The following FBXO36 variants were observed in gnomAD, a reference collection of about 807,000 sequenced individuals.
FBXO36 encodes F-box protein 36.
FBXO36 carries 18 observed loss-of-function variants against 17.0 expected under a neutral mutation model. The observed-to-expected ratio is 1.06, with a 90% confidence interval of 0.73 to 1.57. FBXO36 has a LOEUF of 1.57. Ranked by LOEUF, FBXO36 falls within the 40% of genes most tolerant of loss-of-function variation. The pLI, the probability that FBXO36 is intolerant of heterozygous loss-of-function variation, is 0.00. For synonymous variants in FBXO36, 83 were observed against 85.3 expected (o/e 0.97, Z 0.15); for missense variants, 229 against 221.9 (o/e 1.03, Z -0.20).
chr2:229,956,593 C>T (rs866620711), intron 1 of FBXO36, among the ~76,000 whole-genome samples: 1 of 152,110 alleles, frequency 6.6e-6, no homozygotes, highest in African/African-American at 2.4e-5. Flanking sequence ...CAAAGTCTGT[C>T]CGGATATTTG....
intron 3 of FBXO36, 98 bp downstream of exon 3, chr2:229,997,021 A>G: frequency 9.2e-7 from 1 of 1,089,020 alleles, no homozygotes; most frequent in Non-Finnish European, 1.3e-6. Context: ...TAACTTTGTG[A>G]TGGACACTGT....
At chr2:229,923,159 C>T (rs2076826882) in intron 1 of FBXO36, 1 of 153,022 alleles carries the variant, frequency 6.5e-6, no homozygotes, top group Non-Finnish European at 1.5e-5. Context: ...TTTTGGAGTC[C>T]CTTCTATCCC....
At chr2:229,945,314 G>C (rs567821349) in intron 1 of FBXO36, among the ~76,000 whole-genome samples, 5 of 151,022 alleles carry the variant, frequency 3.3e-5, no homozygotes, top group Non-Finnish European at 7.4e-5. Flanking sequence ...TTGTTTGTTT[G>C]TTCTTTGTTT....
In FBXO36 at chr2:229,976,259, A is replaced by C; in HGVS notation, c.115A>C (p.Lys39Gln). Reference sequence around the variant, plus strand: ...ATTATAGGTAATCTTTAGATGGTGGAAGATCTCTCTAAGGAGTGAGTATCG... The same window carrying C: ...ATTATAGGTAATCTTTAGATGGTGGCAGATCTCTCTAAGGAGTGAGTATCG... ...TRSQVIFRWW[K>Q]ISLRSEYRST... Residue 39 changes from lysine to glutamine, a missense_variant, in exon 2 of 4, where the codon AAG (lysine) becomes CAG (glutamine). By Grantham distance (53) the Lys-to-Gln change is moderately conservative. Transcript: ENST00000283946. The C allele has an allele frequency of 6.2e-7, 1 of 1,605,882 alleles. No individual in the cohort carries two copies. The highest frequency in any genetic ancestry group is 8.5e-7 in the Non-Finnish European group (1 of 1,177,414).
intron 3 of FBXO36, among the ~76,000 whole-genome samples, chr2:230,006,559 G>T (rs1403080415): frequency 6.6e-6 from 1 of 152,156 alleles, no homozygotes; most frequent in African/African-American, 2.4e-5. Flanking sequence ...CCCTGCTGTG[G>T]GCCGGACACA....
At chr2:230,009,572 A>G (rs954691191) in intron 3 of FBXO36, among the ~76,000 whole-genome samples, 1 of 152,208 alleles carries the variant, frequency 6.6e-6, no homozygotes, top group Non-Finnish European at 1.5e-5. Context: ...TCACATCACC[A>G]GGGGTAGCAT....
intron 1 of FBXO36, chr2:229,937,938 G>A (rs187495923): frequency 0.011 from 1,736 of 152,282 alleles, 16 homozygotes; most frequent in Middle Eastern, 0.027. Flanking sequence ...TTGCTTATAT[G>A]TTTATCTGAT....
chr2:229,947,099 C>T (rs2077031059), intron 1 of FBXO36, among the ~76,000 whole-genome samples: 1 of 150,264 alleles, frequency 6.7e-6, no homozygotes, highest in Admixed American at 6.7e-5. Context: ...ACCCGGGAGG[C>T]GGAGGTTGCA....
At chr2:229,937,419 C>T (rs1382331752) in intron 1 of FBXO36, among the ~76,000 whole-genome samples, 1 of 152,114 alleles carries the variant, frequency 6.6e-6, no homozygotes, top group Non-Finnish European at 1.5e-5. Flanking sequence ...CACTTGAACC[C>T]AGGAGGCGGA....
intron 2 of FBXO36, among the ~76,000 whole-genome samples, chr2:229,984,613 C>T (rs1051468716): frequency 1.2e-4 from 18 of 152,082 alleles, no homozygotes; most frequent in South Asian, 6.2e-4. Flanking sequence ...TGGTCTCGAT[C>T]TCCTGATCTT....
chr2:230,006,271 T>A (rs1043181955), intron 3 of FBXO36, among the ~76,000 whole-genome samples: 5 of 152,044 alleles, frequency 3.3e-5, no homozygotes, highest in Admixed American at 1.3e-4. Context: ...AATTTTCGTA[T>A]TTTTAGTAGA....
chr2:230,005,281 T>C lies in FBXO36; in HGVS notation c.379-5415T>C, dbSNP rs539760448. 1.5e-3 allele frequency among the ~76,000 whole-genome samples: 216 copies of C among 147,548 alleles called. 1 individual carries two copies. Among genetic ancestry groups the C allele is most frequent in the Middle Eastern group, 0.011 (3 of 280 alleles). ...GACACCCGGCTAATTTTTGTGTTTT[T>C]TGTAGAGACTGGGTCTTGCTATCTT... On this transcript the variant is annotated intron_variant, in intron 3 of 3. Transcript: ENST00000283946.
intron 1 of FBXO36, among the ~76,000 whole-genome samples, chr2:229,969,650 C>T (rs575957983): frequency 1.3e-5 from 2 of 152,054 alleles, no homozygotes; most frequent in East Asian, 3.9e-4. Context: ...ATCACGCCAC[C>T]ACACTCCAGT....
chr2:229,956,831 C>T (rs1011045459), intron 1 of FBXO36, among the ~76,000 whole-genome samples: 12 of 152,154 alleles, frequency 7.9e-5, no homozygotes, highest in African/African-American at 2.4e-4. Context: ...AAGCACTCAG[C>T]GCCAAACCTC....
chr2:229,930,608 G>C (rs36075200), intron 1 of FBXO36, among the ~76,000 whole-genome samples: 38,009 of 151,760 alleles, frequency 0.25, 5,912 homozygotes, highest in Middle Eastern at 0.43. Flanking sequence ...AAAATTATCT[G>C]GGTGTGGTGG....
chr2:229,926,189 G>A (rs1414961978), intron 1 of FBXO36, among the ~76,000 whole-genome samples: 1 of 151,162 alleles, frequency 6.6e-6, no homozygotes, highest in Non-Finnish European at 1.5e-5. Flanking sequence ...CAGCACTTTG[G>A]GAGGCCGACA....
At chr2:229,933,251 G>C (rs911396850) in intron 1 of FBXO36, among the ~76,000 whole-genome samples, 1 of 152,056 alleles carries the variant, frequency 6.6e-6, no homozygotes, top group Non-Finnish European at 1.5e-5. Context: ...AGCCAGGCGT[G>C]GCGGTAGAGT....
At chr2:229,990,109 T>TTC (rs927396721) in intron 2 of FBXO36, among the ~76,000 whole-genome samples, 10 of 151,626 alleles carry the variant, frequency 6.6e-5, no homozygotes, top group South Asian at 2.1e-4. Context: ...ATTTCCTAGT[T>TTC]TCTCTCTCTC....
Position 229,928,819 on chromosome 2 carries a change from G to A in FBXO36, c.96+6210G>A, listed in dbSNP as rs2076924953. Among the ~76,000 whole-genome samples, 8 of 152,048 alleles carry A rather than the reference G, an allele frequency of 5.3e-5. No individual in the cohort carries two copies. The South Asian group carries it at 1.7e-3, about 31-fold the overall frequency. ...ATTCTGTCCCCCAGGCTGGTGTGTA[G>A]TGGTGCAGTCAGCTCACTGCAGCCT... On this transcript the variant is annotated intron_variant, in intron 1 of 3. Transcript: ENST00000283946.
Sources: gnomAD v4.1 joint callset for allele counts (sites outside exome capture counted in the v4.1 genomes callset) on GRCh38, gnomAD v4.1.1 for gene constraint, MANE v1.5 for transcripts, NCBI Gene and HGNC (gene_info 2026-07-23, HGNC 2026-07-21) for gene names.